ADCY8: variants seen among roughly 807,000 people sequenced by gnomAD.
The protein encoded by ADCY8 is adenylate cyclase 8.
In ADCY8, 51 loss-of-function variants were observed where a neutral mutation model predicts 119.7. That is an observed-to-expected ratio of 0.43 (90% confidence interval 0.34 to 0.54). The LOEUF (loss-of-function observed/expected upper bound fraction) is 0.54. Ranked by LOEUF, ADCY8 falls within the 20% of genes least tolerant of loss-of-function variation. The probability of loss-of-function intolerance (pLI) is 0.03; values close to 1 mark genes in which losing one functional copy is unlikely to be tolerated. For missense variants in ADCY8, 1,383 were observed against 1,598.8 expected, an observed-to-expected ratio of 0.87 and a Z score of 2.30; for synonymous variants, 665 against 651.0, an observed-to-expected ratio of 1.02 and a Z score of -0.33.
chr8:130,792,552 T>C (rs534572416), intron 15 of ADCY8, among the ~76,000 whole-genome samples: 1 of 152,214 alleles, frequency 6.6e-6, no homozygotes, highest in Non-Finnish European at 1.5e-5. Context: ...TCTTGGTTAG[T>C]GGTGTCTCCA....
chr8:130,892,040 C>T (rs900278711), intron 7 of ADCY8: 12 of 152,006 alleles, frequency 7.9e-5, no homozygotes, highest in African/African-American at 2.4e-4. Context: ...GAATGTTTAA[C>T]GAGATCTTAT....
intron 8 of ADCY8, among the ~76,000 whole-genome samples, chr8:130,872,382 G>A (rs750596600): frequency 1.3e-5 from 2 of 152,166 alleles, no homozygotes; most frequent in Non-Finnish European, 2.9e-5. Context: ...TGCAAATAGA[G>A]AATCCAGTGA....
chr8:131,023,351 C>G (rs1207058138), intron 1 of ADCY8, among the ~76,000 whole-genome samples: 2 of 152,166 alleles, frequency 1.3e-5, no homozygotes, highest in African/African-American at 4.8e-5. Flanking sequence ...TTAGGAACAT[C>G]TAAGTTAAGT....
chr8:130,818,897 TC>T (rs1472412330), intron 13 of ADCY8, among the ~76,000 whole-genome samples: 2 of 152,230 alleles, frequency 1.3e-5, no homozygotes, highest in Non-Finnish European at 2.9e-5. Flanking sequence ...CTTTGTGACC[TC>T]AGGGGACTTC....
chr8:130,895,547 C>G (rs1465552150), intron 7 of ADCY8, among the ~76,000 whole-genome samples: 4 of 152,102 alleles, frequency 2.6e-5, no homozygotes, highest in Non-Finnish European at 5.9e-5. Context: ...ATCCACTTGT[C>G]TTTTGAAACA....
At chr8:130,914,087 A>AT (rs1245778944) in intron 5 of ADCY8, among the ~76,000 whole-genome samples, 1 of 152,168 alleles carries the variant, frequency 6.6e-6, no homozygotes, top group Non-Finnish European at 1.5e-5. Flanking sequence ...AAGTAAAATG[A>AT]TTTTCCCTAT....
chr8:130,982,065 C>T (rs777053836), intron 2 of ADCY8, among the ~76,000 whole-genome samples: 21 of 152,196 alleles, frequency 1.4e-4, no homozygotes, highest in South Asian at 6.2e-4. Flanking sequence ...TCACTTCTTC[C>T]GTCATGCCAG....
intron 2 of ADCY8, among the ~76,000 whole-genome samples, chr8:130,959,911 T>C (rs1319732350): frequency 6.6e-6 from 1 of 152,132 alleles, no homozygotes; most frequent in East Asian, 1.9e-4. Context: ...TCTCGAGAGT[T>C]ACCAGAAGCA....
At chr8:130,928,980 A>G (rs1309485594) in intron 5 of ADCY8, among the ~76,000 whole-genome samples, 2 of 152,230 alleles carry the variant, frequency 1.3e-5, no homozygotes, top group East Asian at 3.9e-4. Flanking sequence ...CTATTGGTCT[A>G]TTAAGATTTT....
At chr8:131,001,082 C>A (rs1478164355) in intron 1 of ADCY8, among the ~76,000 whole-genome samples, 1 of 152,158 alleles carries the variant, frequency 6.6e-6, no homozygotes, top group Non-Finnish European at 1.5e-5. Flanking sequence ...AAGGTGTTCT[C>A]AAGCACACCA....
intron 13 of ADCY8, among the ~76,000 whole-genome samples, chr8:130,820,709 C>T (rs1053113999): frequency 6.6e-6 from 1 of 152,168 alleles, no homozygotes; most frequent in African/African-American, 2.4e-5. Context: ...GTGCCCACTC[C>T]AGATTCTGGT....
At chr8:130,816,020 A>G (rs895251764) in intron 13 of ADCY8, among the ~76,000 whole-genome samples, 4 of 152,218 alleles carry the variant, frequency 2.6e-5, no homozygotes, top group African/African-American at 7.2e-5. Context: ...AACTGTTGAC[A>G]TGAACAGTAT....
At chr8:130,796,696 C>T (rs1045499987) in intron 15 of ADCY8, among the ~76,000 whole-genome samples, 2 of 152,028 alleles carry the variant, frequency 1.3e-5, no homozygotes, top group Non-Finnish European at 2.9e-5. Context: ...ATTCAGGCCG[C>T]TTTTTTATTT....
chr8:130,827,201 G>A (rs552144301), intron 12 of ADCY8, among the ~76,000 whole-genome samples: 2 of 152,172 alleles, frequency 1.3e-5, no homozygotes, highest in South Asian at 4.1e-4. Context: ...CTTCATTAAG[G>A]TTTCCCTTTT....
At chr8:130,869,750 C>A (rs1216239748) in intron 8 of ADCY8, among the ~76,000 whole-genome samples, 1 of 151,966 alleles carries the variant, frequency 6.6e-6, no homozygotes, top group Non-Finnish European at 1.5e-5. Flanking sequence ...ATATCCTGAC[C>A]TGGTGATCCA....
chr8:131,021,734 TGAA>T (rs1348290077), intron 1 of ADCY8, among the ~76,000 whole-genome samples: 2 of 152,276 alleles, frequency 1.3e-5, no homozygotes, highest in African/African-American at 4.8e-5. Flanking sequence ...TGCTGCCATG[TGAA>T]GAAGGACATG....
chr8:130,999,389 A>G (rs994149280), intron 1 of ADCY8, among the ~76,000 whole-genome samples: 4 of 152,100 alleles, frequency 2.6e-5, no homozygotes, highest in Non-Finnish European at 5.9e-5. Context: ...TGGGTGATAG[A>G]GACAGCATGG....
intron 14 of ADCY8, among the ~76,000 whole-genome samples, chr8:130,808,250 C>G (rs942290424): frequency 4.6e-5 from 7 of 151,890 alleles, no homozygotes; most frequent in Admixed American, 3.9e-4. Context: ...TGTTTTAACC[C>G]CGGTATTTAG....
At chr8:130,952,391 C>T (rs1355644970) in intron 2 of ADCY8, among the ~76,000 whole-genome samples, 1 of 152,136 alleles carries the variant, frequency 6.6e-6, no homozygotes, top group Admixed American at 6.5e-5. Flanking sequence ...ATGGCCTTAC[C>T]AAGGAACTGA....
Sources: allele counts gnomAD v4.1 joint callset (sites outside exome capture counted in the v4.1 genomes callset), GRCh38; gene constraint gnomAD v4.1.1; transcripts MANE v1.5; gene names NCBI Gene and HGNC (gene_info 2026-07-23, HGNC 2026-07-21).